RPAP3: variants seen among roughly 807,000 people sequenced by gnomAD.
RPAP3 encodes the protein RNA polymerase II associated protein 3, also known as RNA polymerase II-associated protein 3.
A neutral mutation model predicts 88.8 loss-of-function variants in RPAP3; 58 were observed. The ratio of observed to expected loss-of-function variants is 0.65; its 90% CI spans 0.53 to 0.81. The LOEUF is 0.81. RPAP3 is among the 40% of genes least tolerant of loss of function. RPAP3 has a pLI of 0.00. For synonymous variants in RPAP3, 255 were observed against 259.9 expected (o/e 0.98, Z 0.18); for missense variants, 751 against 764.3 (o/e 0.98, Z 0.20).
At position 47,697,625 on chromosome 12, in the gene RPAP3, G is replaced by GA; in HGVS notation, c.388dup (p.Ser130PhefsTer13). 1 of 1,608,592 alleles carries GA rather than the reference G, an allele frequency of 6.2e-7. No individual in the cohort carries two copies. Among genetic ancestry groups the GA allele is most frequent in the Non-Finnish European group, 8.5e-7 (1 of 1,178,096 alleles). ...TTCTTTTAAAACAAGAGCCTTTTGT[G>GA]AATCTACATGAATCCCATCTTCTTC... On this transcript the variant is annotated frameshift_variant, in exon 4 of 17. Coordinates refer to ENST00000005386, the MANE Select transcript of RPAP3 (RefSeq NM_024604.3). LOFTEE classifies it high-confidence loss of function.
chr12:47,689,730 A>C (rs1210690701), intron 6 of RPAP3, among the ~76,000 whole-genome samples: 3 of 152,176 alleles, frequency 2.0e-5, no homozygotes, highest in African/African-American at 7.2e-5. Flanking sequence ...ACCTGCTATC[A>C]TAAGTTGTAT....
intron 12 of RPAP3, among the ~76,000 whole-genome samples, chr12:47,675,989 T>A (rs1193291708): frequency 6.6e-6 from 1 of 152,146 alleles, no homozygotes; most frequent in Non-Finnish European, 1.5e-5. Flanking sequence ...GACCACACAA[T>A]TGGAAGTAAA....
intron 10 of RPAP3, 128 bp from the exon 11 acceptor site, chr12:47,679,902 A>G: frequency 1.6e-6 from 1 of 633,452 alleles, no homozygotes; most frequent in Non-Finnish European, 2.8e-6. Flanking sequence ...TCAGATTACT[A>G]GGAAACAGGT....
intron 4 of RPAP3, among the ~76,000 whole-genome samples, chr12:47,697,095 G>A (rs750941349): frequency 3.3e-5 from 5 of 152,206 alleles, no homozygotes; most frequent in Non-Finnish European, 5.9e-5. Flanking sequence ...TTCCACCTTT[G>A]TGAAAGTAAT....
rs749904056 is a variant in RPAP3, at chr12:47,663,535, G to C, written c.1968C>G (p.Val656=). 7 of 1,590,590 alleles carry C rather than the reference G, an allele frequency of 4.4e-6. No individual in the cohort carries two copies. In the African/African-American group the frequency reaches 6.8e-5, roughly 15 times the overall value. ...IDKSGLKDSS[V]EELKKRYGG is the part of the protein sequence containing the mutation. ...CACCGTATCTTTTCTTGAGTTCTTC[G>C]ACAGAACTATCCTTCAATCCTGACT... The change falls in exon 17 of 17, where the codon GTC becomes GTG. Residue 656 remains valine, a synonymous_variant. Transcript: ENST00000005386.
At chr12:47,666,495 A>C (rs1271087326) in intron 16 of RPAP3, among the ~76,000 whole-genome samples, 1 of 152,194 alleles carries the variant, frequency 6.6e-6, no homozygotes, top group Non-Finnish European at 1.5e-5. Flanking sequence ...ACTCAAGGAA[A>C]TTACCTCTCT....
chr12:47,677,361 C>T (rs1241788997), intron 12 of RPAP3, among the ~76,000 whole-genome samples: 1 of 152,152 alleles, frequency 6.6e-6, no homozygotes, highest in East Asian at 1.9e-4. Context: ...CTCACCACTC[C>T]TATTCAACAC....
chr12:47,667,209 T>C, intron 15 of RPAP3, 129 bp from the exon 16 acceptor site: 1 of 377,918 alleles, frequency 2.6e-6, no homozygotes, highest in Non-Finnish European at 4.7e-6. Context: ...ATACCTGTAT[T>C]TTAAATGCCC....
At position 47,706,010 on chromosome 12, in the gene RPAP3, G is replaced by C. The variant is rs185133772; in HGVS notation, c.-65C>G. On this transcript the variant is annotated 5_prime_UTR_variant, in exon 1 of 17. Transcript: ENST00000005386. ...CGTCAGCCCCGCAGCGACTCACGCCGAGCCCGGCAGTGACTCACGCAAAGC... is the reference window on the plus strand; with the variant it reads ...CGTCAGCCCCGCAGCGACTCACGCCCAGCCCGGCAGTGACTCACGCAAAGC... The C allele has an allele frequency of 1.3e-5, 2 of 152,706 alleles. No homozygotes were observed. The highest frequency in any genetic ancestry group is 2.4e-5 in the African/African-American group (1 of 41,448). The allele number at this position is 152,706 out of a possible 1,614,324, so 9.5% of individuals were successfully genotyped here.
intron 3 of RPAP3, chr12:47,699,356 A>G (rs925510066): frequency 1.3e-5 from 2 of 152,224 alleles, no homozygotes; most frequent in African/African-American, 2.4e-5. Flanking sequence ...AACAGGCTAT[A>G]TAACAAAAAG....
At position 47,681,846 on chromosome 12, in the gene RPAP3, G is replaced by A. The variant is rs555659311; in HGVS notation, c.993-29C>T. On this transcript the variant is annotated intron_variant, in intron 9 of 16. Transcript: ENST00000005386. ...TTGAACATGATAAAATTACTGACTG[G>A]AAAAAAGGCAGCTTATGGAAAAATG... 80 of 1,528,970 alleles carry A rather than the reference G, an allele frequency of 5.2e-5. 1 individual carries two copies. The African/African-American group carries it at 1.1e-3, about 20-fold the overall frequency. The allele number at this position is 1,528,970 out of a possible 1,614,324, so 94.7% of individuals were successfully genotyped here. A position where few individuals can be genotyped will look rare whatever the true frequency, so the allele number is the denominator to read the frequency against.
At position 47,669,111 on chromosome 12, in the gene RPAP3, T is replaced by G; in HGVS notation, c.1527-9A>C. ...TCAAACTGGCTTGAGGTCTGAAATA[T>G]TTCAGAGGTATCAAACAGAAAAGAA... On this transcript the variant is annotated splice_polypyrimidine_tract_variant and intron_variant, in intron 13 of 16. Coordinates refer to ENST00000005386, the MANE Select transcript of RPAP3 (RefSeq NM_024604.3). The G allele has an allele frequency of 6.3e-7, 1 of 1,599,160 alleles. No homozygotes were observed. Among genetic ancestry groups the G allele is most frequent in the Non-Finnish European group, 8.6e-7 (1 of 1,168,032 alleles).
At chr12:47,671,746 A>G in intron 12 of RPAP3, among the ~76,000 whole-genome samples, 1 of 152,202 alleles carries the variant, frequency 6.6e-6, no homozygotes, top group Non-Finnish European at 1.5e-5. Context: ...TAATGATTTG[A>G]ATTTATGAAT....
intron 12 of RPAP3, among the ~76,000 whole-genome samples, chr12:47,673,057 GTAAA>G (rs1335131985): frequency 8.5e-5 from 13 of 152,096 alleles, no homozygotes; most frequent in African/African-American, 2.7e-4. Context: ...GAAAAGAACA[GTAAA>G]TAAATATATG....
chr12:47,690,107 T>A (rs993122681), intron 6 of RPAP3, among the ~76,000 whole-genome samples: 2 of 152,036 alleles, frequency 1.3e-5, no homozygotes, highest in African/African-American at 4.8e-5. Context: ...TCAGCTTTAT[T>A]CAGATTTTGT....
intron 16 of RPAP3, among the ~76,000 whole-genome samples, chr12:47,663,945 A>C (rs2847433): frequency 0.13 from 19,346 of 149,646 alleles, 1,665 homozygotes; most frequent in East Asian, 0.38. Context: ...TATTTCAACT[A>C]AACTGTTTTT....
chr12:47,682,971 C>T (rs1286077417), intron 9 of RPAP3, among the ~76,000 whole-genome samples: 2 of 152,140 alleles, frequency 1.3e-5, no homozygotes, highest in Non-Finnish European at 2.9e-5. Context: ...AGGGGCCTGC[C>T]TGAGTATCTG....
At chr12:47,686,067 T>C (rs778104612) in intron 9 of RPAP3, among the ~76,000 whole-genome samples, 4 of 152,358 alleles carry the variant, frequency 2.6e-5, no homozygotes, top group Middle Eastern at 3.4e-3. Flanking sequence ...TAAAGGGGAA[T>C]TCATGGCACT....
At chr12:47,688,994 A>T (rs1199246316) in intron 7 of RPAP3, 131 bp downstream of exon 7, 1 of 551,756 alleles carries the variant, frequency 1.8e-6, no homozygotes, top group Non-Finnish European at 3.1e-6. Flanking sequence ...ATTTAGTAAA[A>T]CTCTATAGTA....
Sources: allele counts gnomAD v4.1 joint callset (sites outside exome capture counted in the v4.1 genomes callset), GRCh38; gene constraint gnomAD v4.1.1; transcripts MANE v1.5; gene names NCBI Gene and HGNC (gene_info 2026-07-23, HGNC 2026-07-21).